ELMO1: variants seen among roughly 807,000 people sequenced by gnomAD.
The protein encoded by ELMO1 is engulfment and cell motility protein 1.
In ELMO1, 26 loss-of-function variants were observed where a neutral mutation model predicts 98.9. The ratio of observed to expected loss-of-function variants is 0.26; its 90% CI spans 0.19 to 0.36. ELMO1 has a LOEUF of 0.36. Among genes scored for constraint, ELMO1 ranks in the 10% least tolerant of loss-of-function variants. The pLI, the probability that ELMO1 is intolerant of heterozygous loss-of-function variation, is 1.00. For missense variants in ELMO1, 627 were observed against 935.2 expected, an observed-to-expected ratio of 0.67 and a Z score of 4.30; for synonymous variants, 346 against 346.0, an observed-to-expected ratio of 1.00 and a Z score of 0.00.
chr7:37,049,958 T>C (rs1016121748), intron 15 of ELMO1, among the ~76,000 whole-genome samples: 3 of 151,958 alleles, frequency 2.0e-5, no homozygotes, highest in Non-Finnish European at 4.4e-5. Context: ...TTTTGTATTT[T>C]TAGTAGAGAC....
chr7:37,332,763 G>A (rs969350946), intron 2 of ELMO1, among the ~76,000 whole-genome samples: 1 of 152,190 alleles, frequency 6.6e-6, no homozygotes, highest in Non-Finnish European at 1.5e-5. Context: ...CAAGAGCTGG[G>A]GGCAGGGGGC....
intron 16 of ELMO1, among the ~76,000 whole-genome samples, chr7:36,946,962 CTT>C (rs563397974): frequency 1.2e-4 from 19 of 152,090 alleles, no homozygotes; most frequent in South Asian, 4.1e-4. Context: ...GTCAATTTAT[CTT>C]TTTGTTATTT....
At chr7:37,442,941 T>C (rs1805468068) in intron 1 of ELMO1, among the ~76,000 whole-genome samples, 2 of 152,268 alleles carry the variant, frequency 1.3e-5, no homozygotes, top group Middle Eastern at 3.4e-3. Flanking sequence ...GTCAGAAAAG[T>C]TGGGTTTAAG....
At chr7:37,137,495 G>T (rs975157504) in intron 13 of ELMO1, among the ~76,000 whole-genome samples, 2 of 151,902 alleles carry the variant, frequency 1.3e-5, no homozygotes, top group Admixed American at 1.3e-4. Flanking sequence ...CACATGGAAT[G>T]CTCTCCAAGA....
At chr7:37,330,825 T>C (rs575525461) in intron 2 of ELMO1, among the ~76,000 whole-genome samples, 19 of 152,332 alleles carry the variant, frequency 1.2e-4, no homozygotes, top group African/African-American at 4.6e-4. Context: ...CTTGGGTATA[T>C]CTGAAATGCC....
intron 15 of ELMO1, among the ~76,000 whole-genome samples, chr7:37,052,031 C>T (rs898024141): frequency 6.6e-6 from 1 of 152,172 alleles, no homozygotes; most frequent in African/African-American, 2.4e-5. Context: ...TTTTCATTTC[C>T]TTTAGCATCT....
intron 2 of ELMO1, among the ~76,000 whole-genome samples, chr7:37,321,236 A>G (rs1200034918): frequency 1.3e-5 from 2 of 152,114 alleles, no homozygotes; most frequent in Non-Finnish European, 2.9e-5. Context: ...TCATTGCCTG[A>G]CCAGTAAATT....
chr7:37,139,126 T>C (rs1787453742), intron 13 of ELMO1, among the ~76,000 whole-genome samples: 1 of 152,188 alleles, frequency 6.6e-6, no homozygotes, highest in Admixed American at 6.5e-5. Context: ...TTCTACTGAA[T>C]AGGCAAAAGG....
intron 8 of ELMO1, among the ~76,000 whole-genome samples, chr7:37,230,966 A>G (rs1384013667): frequency 6.6e-6 from 1 of 152,202 alleles, no homozygotes; most frequent in Non-Finnish European, 1.5e-5. Context: ...AGGTTGGTGC[A>G]AACGTAATTG....
At chr7:37,180,012 G>A (rs532331235) in intron 13 of ELMO1, among the ~76,000 whole-genome samples, 2 of 152,252 alleles carry the variant, frequency 1.3e-5, no homozygotes, top group South Asian at 4.1e-4. Flanking sequence ...CATCTGACAA[G>A]TGAATGAACA....
chr7:36,905,643 A>T (rs1168506667), intron 16 of ELMO1, among the ~76,000 whole-genome samples: 1 of 152,138 alleles, frequency 6.6e-6, no homozygotes, highest in African/African-American at 2.4e-5. Flanking sequence ...TCTTCACTCA[A>T]CTCATTGGTA....
intron 4 of ELMO1, among the ~76,000 whole-genome samples, chr7:37,301,120 T>G (rs1411443755): frequency 6.6e-6 from 1 of 152,090 alleles, no homozygotes. Context: ...TGATATCCCC[T>G]TTATCATTTT....
intron 16 of ELMO1, among the ~76,000 whole-genome samples, chr7:37,007,243 A>T (rs1234302527): frequency 6.6e-6 from 1 of 152,190 alleles, no homozygotes; most frequent in Non-Finnish European, 1.5e-5. Flanking sequence ...TCAGTGTAGG[A>T]CATTAGGGCT....
intron 15 of ELMO1, among the ~76,000 whole-genome samples, chr7:37,023,932 C>A (rs1179764238): frequency 6.6e-6 from 1 of 152,160 alleles, no homozygotes; most frequent in African/African-American, 2.4e-5. Flanking sequence ...AAGGGTACTG[C>A]AGATGTCAAT....
chr7:37,216,510 T>C lies in ELMO1; in HGVS notation c.831+135A>G, dbSNP rs1251128087. The C allele has an allele frequency of 3.9e-6, 4 of 1,018,254 alleles. 1 individual carries two copies. Among genetic ancestry groups the C allele is most frequent in the Non-Finnish European group, 5.9e-6 (4 of 673,784 alleles). The allele number at this position is 1,018,254 out of a possible 1,614,324, so 63.1% of individuals were successfully genotyped here. On this transcript the variant is annotated intron_variant, in intron 11 of 21. Coordinates refer to ENST00000310758, the MANE Select transcript of ELMO1 (RefSeq NM_014800.11). The stretch of plus-strand genomic sequence containing the variant: ...CCAATTCCAAAAACTCACTTTTTCC[T>C]TCATTAGAGTTCCTACTGCTTCACC...
chr7:37,314,764 C>T (rs184051675), intron 4 of ELMO1, 86 bp downstream of exon 4: 4 of 1,276,980 alleles, frequency 3.1e-6, no homozygotes, highest in East Asian at 4.9e-5. Context: ...TTTAGACCTG[C>T]ATGTCTAGGC....
At chr7:37,369,131 G>A (rs1802014542) in intron 1 of ELMO1, among the ~76,000 whole-genome samples, 1 of 152,128 alleles carries the variant, frequency 6.6e-6, no homozygotes. Context: ...ATGTCAACAA[G>A]GTTATGTAAC....
intron 7 of ELMO1, among the ~76,000 whole-genome samples, chr7:37,241,826 T>A (rs1473964906): frequency 6.6e-6 from 1 of 152,204 alleles, no homozygotes; most frequent in East Asian, 1.9e-4. Flanking sequence ...TCAACATATG[T>A]CATAAACCCT....
At chr7:37,376,029 G>T in intron 1 of ELMO1, 1 of 455,080 alleles carries the variant, frequency 2.2e-6, no homozygotes, top group African/African-American at 2.0e-5. Flanking sequence ...AGTAAAACTG[G>T]AGAGGATTAT....
Sources: gnomAD v4.1 joint callset for allele counts (sites outside exome capture counted in the v4.1 genomes callset) on GRCh38, gnomAD v4.1.1 for gene constraint, MANE v1.5 for transcripts, NCBI Gene and HGNC (gene_info 2026-07-23, HGNC 2026-07-21) for gene names.